Variants in RBFOX1 observed in about 807,000 individuals in gnomAD.
The protein encoded by RBFOX1 is RNA binding protein fox-1 homolog 1.
Under a neutral mutation model 57.7 loss-of-function variants are expected in RBFOX1, and 8 were observed. That is an observed-to-expected ratio of 0.14 (90% CI 0.08 to 0.25). The LOEUF (loss-of-function observed/expected upper bound fraction) is 0.25, where lower values mean the gene tolerates loss of function less well. Ranked by LOEUF, RBFOX1 falls within the 10% of genes least tolerant of loss-of-function variation. The pLI, the probability that RBFOX1 is intolerant of heterozygous loss-of-function variation, is 1.00. For missense variants in RBFOX1, 611 were observed against 548.5 expected (o/e 1.11, Z -1.14); for synonymous variants, 326 against 222.4 (o/e 1.47, Z -4.15).
At chr16:6,592,661 A>G (rs1001532258) in intron 2 of RBFOX1, among the ~76,000 whole-genome samples, 1 of 152,160 alleles carries the variant, frequency 6.6e-6, no homozygotes, top group Non-Finnish European at 1.5e-5. Flanking sequence ...GGAATTTGCT[A>G]TCTGTTTAGT....
At chr16:5,778,711 C>T (rs2054229349) in intron 3 of RBFOX1, among the ~76,000 whole-genome samples, 1 of 152,102 alleles carries the variant, frequency 6.6e-6, no homozygotes, top group Non-Finnish European at 1.5e-5. Flanking sequence ...GGGATCCCTT[C>T]TTCACTATGA....
chr16:6,332,264 C>A (rs756691466), intron 2 of RBFOX1, among the ~76,000 whole-genome samples: 1 of 152,110 alleles, frequency 6.6e-6, no homozygotes, highest in Non-Finnish European at 1.5e-5. Flanking sequence ...GAGCTAAATT[C>A]GATCAACCAG....
chr16:5,731,230 T>C (rs574403588), intron 3 of RBFOX1, among the ~76,000 whole-genome samples: 2 of 152,052 alleles, frequency 1.3e-5, no homozygotes, highest in Non-Finnish European at 1.5e-5. Flanking sequence ...AACACTATCA[T>C]TGTCATCACT....
intron 5 of RBFOX1, among the ~76,000 whole-genome samples, chr16:7,555,991 A>G (rs748582511): frequency 2.0e-5 from 3 of 149,464 alleles, no homozygotes; most frequent in Non-Finnish European, 4.4e-5. Flanking sequence ...TGCATTTCCA[A>G]CACCTGGAAT....
At chr16:5,455,631 C>G (rs536553409) in intron 1 of RBFOX1, among the ~76,000 whole-genome samples, 2 of 152,306 alleles carry the variant, frequency 1.3e-5, no homozygotes, top group East Asian at 3.9e-4. Context: ...ATTCCCTTCT[C>G]TCACGCAGAC....
intron 3 of RBFOX1, among the ~76,000 whole-genome samples, chr16:5,795,382 C>T (rs1460281801): frequency 6.6e-6 from 1 of 151,812 alleles, no homozygotes; most frequent in Non-Finnish European, 1.5e-5. Context: ...TGGCTCATTG[C>T]TGTGTCAATC....
intron 3 of RBFOX1, among the ~76,000 whole-genome samples, chr16:7,046,005 C>G (rs1240278151): frequency 1.3e-5 from 2 of 152,116 alleles, no homozygotes; most frequent in East Asian, 1.9e-4. Flanking sequence ...ATCACTATTA[C>G]TATACATTTT....
chr16:7,266,089 C>T (rs558533334), intron 4 of RBFOX1, among the ~76,000 whole-genome samples: 1 of 151,512 alleles, frequency 6.6e-6, no homozygotes, highest in East Asian at 2.0e-4. Context: ...ATTCTCCTGC[C>T]TCAGCCTCCC....
At chr16:6,999,773 C>G (rs1400076432) in intron 3 of RBFOX1, among the ~76,000 whole-genome samples, 1 of 151,732 alleles carries the variant, frequency 6.6e-6, no homozygotes, top group Non-Finnish European at 1.5e-5. Flanking sequence ...GTTATTATGC[C>G]TTTAAAATTA....
intron 3 of RBFOX1, among the ~76,000 whole-genome samples, chr16:5,821,210 C>T (rs559405013): frequency 3.9e-5 from 6 of 151,984 alleles, no homozygotes; most frequent in African/African-American, 1.4e-4. Flanking sequence ...GCCTCAGATG[C>T]TGAAGCCTAA....
chr16:6,605,981 T>G (rs2154018334), intron 2 of RBFOX1, among the ~76,000 whole-genome samples: 1 of 152,032 alleles, frequency 6.6e-6, no homozygotes, highest in Middle Eastern at 3.4e-3. Flanking sequence ...GTGGGGGCAG[T>G]GCCTGTAGTC....
At chr16:6,775,351 A>C (rs1447686559) in intron 3 of RBFOX1, among the ~76,000 whole-genome samples, 2 of 148,468 alleles carry the variant, frequency 1.3e-5, no homozygotes, top group Non-Finnish European at 3.0e-5. Context: ...AAAAAAAAAA[A>C]AGTAGACAAA....
chr16:6,971,473 A>G (rs568270741), intron 3 of RBFOX1, among the ~76,000 whole-genome samples: 4 of 151,068 alleles, frequency 2.6e-5, no homozygotes, highest in Non-Finnish European at 4.4e-5. Context: ...AGAGCTTTTC[A>G]GATTGCAATA....
At chr16:6,862,526 T>C (rs1252408876) in intron 3 of RBFOX1, among the ~76,000 whole-genome samples, 1 of 152,190 alleles carries the variant, frequency 6.6e-6, no homozygotes, top group African/African-American at 2.4e-5. Context: ...ACCAGCAGAA[T>C]GGAGGTGATA....
chr16:7,395,873 A>T (rs1259494816), intron 4 of RBFOX1, among the ~76,000 whole-genome samples: 1 of 152,172 alleles, frequency 6.6e-6, no homozygotes, highest in Non-Finnish European at 1.5e-5. Context: ...ATTGACTGGC[A>T]TGGTTACATA....
intron 14 of RBFOX1, among the ~76,000 whole-genome samples, chr16:7,697,521 A>C (rs1256926081): frequency 6.6e-6 from 1 of 151,974 alleles, no homozygotes; most frequent in Non-Finnish European, 1.5e-5. Flanking sequence ...ACATACATGC[A>C]TGTATATGTA....
intron 3 of RBFOX1, among the ~76,000 whole-genome samples, chr16:5,779,437 C>T (rs1298040113): frequency 2.6e-5 from 4 of 152,178 alleles, no homozygotes; most frequent in Non-Finnish European, 5.9e-5. Context: ...CACATAAAAA[C>T]GCATTTCTTT....
intron 3 of RBFOX1, among the ~76,000 whole-genome samples, chr16:6,963,411 G>C (rs1465517347): frequency 3.3e-5 from 5 of 152,086 alleles, no homozygotes; most frequent in African/African-American, 1.2e-4. Flanking sequence ...ATAAAAATGT[G>C]TTGTTGGACT....
At chr16:6,069,867 A>G (rs1379949532) in intron 1 of RBFOX1, among the ~76,000 whole-genome samples, 1 of 151,988 alleles carries the variant, frequency 6.6e-6, no homozygotes, top group African/African-American at 2.4e-5. Context: ...CATGCCTGTA[A>G]TCCCAGCTAT....
Sources: gnomAD v4.1 joint callset for allele counts (sites outside exome capture counted in the v4.1 genomes callset) on GRCh38, gnomAD v4.1.1 for gene constraint, MANE v1.5 for transcripts, NCBI Gene and HGNC (gene_info 2026-07-23, HGNC 2026-07-21) for gene names.